The following SEC16B variants were observed in gnomAD, a reference collection of about 807,000 sequenced individuals.
SEC16B encodes the protein SEC16 homolog B, endoplasmic reticulum export factor, also known as protein transport protein Sec16B.
SEC16B carries 115 observed loss-of-function variants against 141.8 expected under a neutral mutation model. The ratio of observed to expected loss-of-function variants is 0.81; its 90% CI spans 0.70 to 0.95. The LOEUF (loss-of-function observed/expected upper bound fraction) is 0.95, where lower values mean the gene tolerates loss of function less well. Ranked by LOEUF, SEC16B falls within the 40% of genes least tolerant of loss-of-function variation. SEC16B has a pLI of 0.00. For synonymous variants in SEC16B, 493 were observed against 492.5 expected (o/e 1.00, Z -0.01); for missense variants, 1,291 against 1,312.3 (o/e 0.98, Z 0.25).
chr1:177,977,081 T>C (rs2225829), intron 1 of SEC16B, among the ~76,000 whole-genome samples: 21,007 of 152,244 alleles, frequency 0.14, 1,805 homozygotes, highest in East Asian at 0.42. Flanking sequence ...ACAAATGTTT[T>C]GGAGTGAAAT....
intron 6 of SEC16B, 196 bp from the exon 7 acceptor site, chr1:177,961,135 T>C: frequency 1.7e-6 from 1 of 584,852 alleles, no homozygotes; most frequent in South Asian, 2.1e-5. Context: ...GGTGTCAGAA[T>C]ACAATGCGTG....
At chr1:177,980,239 A>C (rs1360107168) in intron 1 of SEC16B, among the ~76,000 whole-genome samples, 1 of 152,184 alleles carries the variant, frequency 6.6e-6, no homozygotes, top group East Asian at 1.9e-4. Flanking sequence ...TAAATAAATT[A>C]TGTCACTAAA....
intron 2 of SEC16B, among the ~76,000 whole-genome samples, chr1:177,967,465 A>G (rs992361123): frequency 3.3e-5 from 5 of 152,150 alleles, no homozygotes; most frequent in African/African-American, 1.2e-4. Context: ...TGGCTTCTTT[A>G]AGAAGCTCCA....
chr1:177,969,273 C>T (rs1043014990), intron 1 of SEC16B, among the ~76,000 whole-genome samples: 1 of 152,110 alleles, frequency 6.6e-6, no homozygotes, highest in Non-Finnish European at 1.5e-5. Context: ...GAGCCGAGGT[C>T]GACAGCTATG....
Position 177,946,321 on chromosome 1 carries a change from C to G in SEC16B, c.1775+99G>C, listed in dbSNP as rs1002052739. The G allele has an allele frequency of 8.8e-6, 8 of 906,258 alleles. No homozygotes were observed. In the Admixed American group the frequency reaches 1.0e-4, roughly 11 times the overall value. 56.1% of individuals were successfully genotyped at this position (906,258 alleles called of 1,614,324 possible). A position where few individuals can be genotyped will look rare whatever the true frequency, so the allele number is the denominator to read the frequency against. On this transcript the variant is annotated intron_variant, in intron 14 of 25. Transcript: ENST00000308284. ...AAGGGAGCCGGCGGTAGCTGAAATTCACATGAGAAAATGAAAAATGGATCC... is the reference window on the plus strand; with the variant it reads ...AAGGGAGCCGGCGGTAGCTGAAATTGACATGAGAAAATGAAAAATGGATCC...
chr1:177,953,235 ACCTCAGGTGATCCAC>A (rs1652342809), intron 11 of SEC16B, among the ~76,000 whole-genome samples: 2 of 151,966 alleles, frequency 1.3e-5, no homozygotes, highest in African/African-American at 4.8e-5. Flanking sequence ...TGGACTCTTA[ACCTCAGGTGATCCAC>A]CCTCCTCAGC....
intron 8 of SEC16B, chr1:177,959,180 G>T: frequency 1.6e-6 from 1 of 619,204 alleles, no homozygotes; most frequent in Non-Finnish European, 2.9e-6. Context: ...ATTCTCTCAT[G>T]CACCCCCTTT....
Position 177,929,688 on chromosome 1 carries a change from C to A in SEC16B, c.*170G>T. 1.6e-6 allele frequency: 1 copy of A among 639,838 alleles called. No homozygotes were observed. Among genetic ancestry groups the A allele is most frequent in the Non-Finnish European group, 2.8e-6 (1 of 356,536 alleles). The allele number at this position is 639,838 out of a possible 1,614,324, so 39.6% of individuals were successfully genotyped here. On this transcript the variant is annotated 3_prime_UTR_variant, in exon 26 of 26. Coordinates refer to ENST00000308284, the MANE Select transcript of SEC16B (RefSeq NM_033127.4). ...GCTAATCTTAAGAGACTGAATTGTG[C>A]TGTGTCTTGAGAGATCCTGTCCTCT...
chr1:177,958,157 C>A lies in SEC16B; in HGVS notation c.1340G>T (p.Arg447Met). 6.5e-7 allele frequency: 1 copy of A among 1,548,388 alleles called. No homozygotes were observed. Among genetic ancestry groups the A allele is most frequent in the Non-Finnish European group, 8.7e-7 (1 of 1,144,622 alleles). ...CTTCTTCCTTCCATAGTAGAGCAGCCTAGTGAATTTCTCCACGATCTGCGC... is the reference window on the plus strand; with the variant it reads ...CTTCTTCCTTCCATAGTAGAGCAGCATAGTGAATTTCTCCACGATCTGCGC... ...TPAQIVEKFT[R>M]LLYYGRKKEA... The change falls in exon 10 of 26, where the codon AGG (arginine) becomes ATG (methionine). Residue 447 changes from arginine to methionine, a missense_variant. Coordinates refer to ENST00000308284, the MANE Select transcript of SEC16B (RefSeq NM_033127.4).
intron 20 of SEC16B, 31 bp from the exon 21 acceptor site, chr1:177,933,667 T>C (rs1361267860): frequency 1.9e-6 from 3 of 1,612,004 alleles, no homozygotes; most frequent in Non-Finnish European, 2.5e-6. Flanking sequence ...CACATTTGCA[T>C]GGCACTTGAC....
chr1:177,944,630 G>C lies in SEC16B; in HGVS notation c.1812C>G (p.Ile604Met). 6.2e-7 allele frequency: 1 copy of C among 1,613,846 alleles called. No homozygotes were observed. The highest frequency in any genetic ancestry group is 8.5e-7 in the Non-Finnish European group (1 of 1,179,800). The part of the protein sequence containing the change: ...EFLKFATTEA[I>M]QRTEIFEYCQ... ...AGTACTCGAAGATTTCCGTCCTCTGGATTGCCTCAGTTGTTGCAAATTTCA... is the reference window on the plus strand; with the variant it reads ...AGTACTCGAAGATTTCCGTCCTCTGCATTGCCTCAGTTGTTGCAAATTTCA... The change falls in exon 15 of 26, where the codon ATC becomes ATG. Residue 604 changes from isoleucine (I) to methionine (M), a missense_variant. Coordinates refer to ENST00000308284, the MANE Select transcript of SEC16B (RefSeq NM_033127.4).
intron 13 of SEC16B, 28 bp from the exon 14 acceptor site, chr1:177,946,559 TCACGGAG>T: frequency 6.6e-7 from 1 of 1,521,840 alleles, no homozygotes; most frequent in Non-Finnish European, 8.9e-7. Context: ...CAAGACCCAA[TCACGGAG>T]CACACCCGTA....
chr1:177,962,935 C>G lies in SEC16B; in HGVS notation c.643-1201G>C, dbSNP rs563790389. On this transcript the variant is annotated intron_variant, in intron 5 of 25. Coordinates refer to ENST00000308284, the MANE Select transcript of SEC16B (RefSeq NM_033127.4). ...CAGCCTGGCCAACATGGTGAAACCC[C>G]ATCTCTACTAAAAAATACAAAAATT... Among the ~76,000 whole-genome samples, 549 of 149,842 alleles carry G rather than the reference C, an allele frequency of 3.7e-3. 3 individuals are homozygous for G. The highest frequency in any genetic ancestry group is 0.026 in the Admixed American group (389 of 14,726).
chr1:177,949,536 G>A (rs1165442055), intron 12 of SEC16B, among the ~76,000 whole-genome samples: 2 of 152,036 alleles, frequency 1.3e-5, no homozygotes, highest in African/African-American at 4.8e-5. Flanking sequence ...GAGAGAGAGA[G>A]AGAGAGAGAA....
chr1:177,959,214 G>C, intron 8 of SEC16B: 2 of 515,796 alleles, frequency 3.9e-6, no homozygotes, highest in Admixed American at 3.1e-5. Flanking sequence ...CAGAGGCTCA[G>C]AGACCTGAAG....
chr1:177,932,642 C>T lies in SEC16B; in HGVS notation c.2932+56G>A, dbSNP rs146369719. ...TCCCCACTCCCAGAAGGCACCCCAA[C>T]CCTTGGGAGTGCTGAGGGGACCACC... On this transcript the variant is annotated intron_variant, in intron 23 of 25. Transcript: ENST00000308284. 3.8e-4 allele frequency: 575 copies of T among 1,510,110 alleles called. 5 individuals are homozygous for T. In the East Asian group the frequency reaches 0.014, roughly 36 times the overall value. The allele number at this position is 1,510,110 out of a possible 1,614,324, so 93.5% of individuals were successfully genotyped here.
chr1:177,962,918 C>T (rs992797536), intron 5 of SEC16B, among the ~76,000 whole-genome samples: 11 of 151,290 alleles, frequency 7.3e-5, no homozygotes, highest in Admixed American at 4.6e-4. Context: ...ACCAGCCTGG[C>T]CAACATGGTG....
At chr1:177,970,815 C>T (rs3813657), upstream of SEC16B, among the ~76,000 whole-genome samples, 22,065 of 152,190 alleles carry the variant, frequency 0.14, 1,955 homozygotes, top group East Asian at 0.42. Flanking sequence ...TGAATTTGCT[C>T]TTTTAAAAAA....
chr1:177,937,394 G>A lies in SEC16B; in HGVS notation c.2323C>T (p.Pro775Ser), dbSNP rs754618325. The A allele has an allele frequency of 1.2e-6, 2 of 1,611,486 alleles. No individual in the cohort carries two copies. The highest frequency in any genetic ancestry group is 1.7e-6 in the Non-Finnish European group (2 of 1,179,022). Residue 775 changes from proline to serine, a missense_variant, in exon 19 of 26, where the codon CCC becomes TCC. This residue lies in a region of SEC16B where 605 missense variants were observed against 614.1 expected (regional missense o/e 0.99). Transcript: ENST00000308284. ...TCLLQPSPQQ[P>S]FPLQPGSYPA... Reference sequence around the variant, plus strand: ...TAGGAGCCCGGCTGGAGGGGAAAGGGCTGCTGTGGGCTGGGCTGGAGCAGG... The same window carrying A: ...TAGGAGCCCGGCTGGAGGGGAAAGGACTGCTGTGGGCTGGGCTGGAGCAGG...
Sources: gnomAD v4.1 joint callset for allele counts (sites outside exome capture counted in the v4.1 genomes callset) on GRCh38, gnomAD v4.1.1 for gene constraint, gnomAD v4.1.1 regional missense constraint, MANE v1.5 for transcripts, NCBI Gene and HGNC (gene_info 2026-07-23, HGNC 2026-07-21) for gene names.